The following IRS1 variants were observed in gnomAD, a reference collection of about 807,000 sequenced individuals.
The protein encoded by IRS1 is insulin receptor substrate 1.
IRS1 carries 34 observed loss-of-function variants against 65.6 expected under a neutral mutation model. The ratio of observed to expected loss-of-function variants is 0.52; its 90% confidence interval spans 0.39 to 0.69. The LOEUF is 0.69. Ranked by LOEUF, IRS1 falls within the 30% of genes least tolerant of loss-of-function variation. IRS1 has a pLI of 0.00. For missense variants in IRS1, 1,641 were observed against 1,720.2 expected (o/e 0.95, Z 0.81); for synonymous variants, 699 against 683.5 (o/e 1.02, Z -0.35).
chr2:226,785,044 A>G (rs193271933), intron 1 of IRS1, among the ~76,000 whole-genome samples: 60 of 152,360 alleles, frequency 3.9e-4, no homozygotes, highest in African/African-American at 1.4e-3. Flanking sequence ...TCTTATGTAT[A>G]AAATAAATTG....
intron 1 of IRS1, among the ~76,000 whole-genome samples, chr2:226,737,986 T>C (rs1335410607): frequency 1.3e-5 from 2 of 152,152 alleles, no homozygotes; most frequent in Non-Finnish European, 2.9e-5. Context: ...AAGTAGAGGA[T>C]GTGGCTTCAC....
At chr2:226,752,164 C>T (rs1283603419) in intron 1 of IRS1, among the ~76,000 whole-genome samples, 1 of 152,126 alleles carries the variant, frequency 6.6e-6, no homozygotes, top group African/African-American at 2.4e-5. Context: ...TTCCCAGAAC[C>T]GTAGATGCTT....
At chr2:226,760,256 TTC>T (rs1335939582) in intron 1 of IRS1, among the ~76,000 whole-genome samples, 3 of 152,218 alleles carry the variant, frequency 2.0e-5, no homozygotes, top group Admixed American at 6.5e-5. Flanking sequence ...TTAAATTTTT[TTC>T]TTTTTTTGTC....
At chr2:226,766,143 ATATATATATATATATATATATTTTT>A (rs1330797609) in intron 1 of IRS1, among the ~76,000 whole-genome samples, 2 of 3,656 alleles carry the variant, frequency 5.5e-4, no homozygotes, top group Admixed American at 4.8e-3. Flanking sequence ...ATATATATAT[ATATATATATATATATATATATTTTT>A]TTTTTTTTTT....
At chr2:226,743,661 T>C (rs78300864) in intron 1 of IRS1, among the ~76,000 whole-genome samples, 1,540 of 152,364 alleles carry the variant, frequency 0.01, 11 homozygotes, top group Non-Finnish European at 0.016. Flanking sequence ...TCATGGGCAC[T>C]ATTTCTGCAG....
At position 226,797,885 on chromosome 2, in the gene IRS1, C is replaced by A. The variant is rs765204298; in HGVS notation, c.854G>T (p.Arg285Leu). ...NCSNPISVPL[R>L]RHHLNNPPPS... ...CGGGGGATTGTTGAGATGGTGCCGG[C>A]GCAGGGGGACGCTGATGGGGTTAGA... The change falls in exon 1 of 2, where the codon CGC (arginine) becomes CTC (leucine). Residue 285 changes from arginine to leucine, a missense_variant. By Grantham distance (102) the Arg-to-Leu change is moderately radical. Around this residue, in one of 3 missense-constraint regions of IRS1, gnomAD observed 1,324 missense variants for 1,361.0 expected, o/e 0.97. Coordinates refer to ENST00000305123, the MANE Select transcript of IRS1 (RefSeq NM_005544.3). This position sits in a 1 kb window ranked among gnomAD's most constrained non-coding sequence, Gnocchi z 8.1. The A allele has an allele frequency of 6.2e-7, 1 of 1,610,238 alleles. No homozygotes were observed. The highest frequency in any genetic ancestry group is 8.5e-7 in the Non-Finnish European group (1 of 1,178,284).
chr2:226,752,657 T>C (rs1319964035), intron 1 of IRS1, among the ~76,000 whole-genome samples: 1 of 152,230 alleles, frequency 6.6e-6, no homozygotes, highest in Non-Finnish European at 1.5e-5. Context: ...TCACATATCG[T>C]GTAATTCACA....
intron 1 of IRS1, among the ~76,000 whole-genome samples, chr2:226,763,625 G>T (rs1039703365): frequency 1.3e-5 from 2 of 152,206 alleles, no homozygotes; most frequent in Non-Finnish European, 2.9e-5. Flanking sequence ...AGGTCATGGT[G>T]AGTGCATCCC....
At position 226,798,110 on chromosome 2, in the gene IRS1, T is replaced by C; in HGVS notation, c.629A>G (p.Asn210Ser). The C allele has an allele frequency of 2.5e-6, 4 of 1,613,934 alleles. No homozygotes were observed. Among genetic ancestry groups the C allele is most frequent in the Non-Finnish European group, 3.4e-6 (4 of 1,180,012 alleles). The change falls in exon 1 of 2, where the codon AAC becomes AGC. Residue 210 changes from asparagine (N) to serine (S), a missense_variant. Asn to Ser is a conservative substitution (Grantham distance 46, BLOSUM62 1). This residue lies in a region of IRS1 where 77 missense variants were observed against 129.6 expected (regional missense o/e 0.59). Transcript: ENST00000305123. The surrounding 1 kb of genome is among the most constrained non-coding windows in gnomAD (Gnocchi z 9.4). ...TTCCGAGTGGCCACAGCGCCTGATG[T>C]TCATCAGCTGCAGCACCACGGCCGC... ...EAAAVVLQLM[N>S]IRRCGHSENF...
At chr2:226,751,395 T>C (rs1938678600) in intron 1 of IRS1, among the ~76,000 whole-genome samples, 1 of 148,134 alleles carries the variant, frequency 6.8e-6, no homozygotes, top group Non-Finnish European at 1.5e-5. Flanking sequence ...GGCATTCTCC[T>C]GCCTCAGCCT....
rs1939764413 is a variant in IRS1, at chr2:226,797,560, C to T, written c.1179G>A (p.Ser393=). ...SPSATSPVSL[S]SSSTSGHGST... ...AGCCATGGCCACTGGTGCTACTGGACGACAGACTGACCGGGCTGGTGGCCG... is the reference window on the plus strand; with the variant it reads ...AGCCATGGCCACTGGTGCTACTGGATGACAGACTGACCGGGCTGGTGGCCG... The change falls in exon 1 of 2, where the codon TCG becomes TCA. Residue 393 remains serine (S), a synonymous_variant. Transcript: ENST00000305123. The surrounding 1 kb of genome is among the most constrained non-coding windows in gnomAD (Gnocchi z 8.1). 6.2e-7 allele frequency: 1 copy of T among 1,602,132 alleles called. No homozygotes were observed. The highest frequency in any genetic ancestry group is 1.7e-5 in the Admixed American group (1 of 59,498).
chr2:226,738,883 G>C, intron 1 of IRS1, among the ~76,000 whole-genome samples: 1 of 152,156 alleles, frequency 6.6e-6, no homozygotes, highest in East Asian at 1.9e-4. Context: ...AAGGGCATAT[G>C]GTATGTTTTT....
intron 1 of IRS1, among the ~76,000 whole-genome samples, chr2:226,739,072 T>C (rs150032831): frequency 6.6e-6 from 1 of 152,274 alleles, no homozygotes; most frequent in East Asian, 1.9e-4. Flanking sequence ...ATCTGTTGCT[T>C]TGGGCCACTT....
chr2:226,757,287 A>G (rs545806456), intron 1 of IRS1, among the ~76,000 whole-genome samples: 19 of 152,288 alleles, frequency 1.2e-4, no homozygotes, highest in African/African-American at 4.3e-4. Flanking sequence ...GCAGTTCCCA[A>G]ACATGTTCTA....
In IRS1 at chr2:226,732,047, C is replaced by T. The variant is rs1938230662; in HGVS notation, c.*4225G>A. ...TACACAAACTAGAAAAGAAAGCTAA[C>T]TCTCCACCTAAGTCATGTGTTTTCT... is the stretch of plus-strand genomic sequence containing the variant. On this transcript the variant is annotated 3_prime_UTR_variant, in exon 2 of 2. Coordinates refer to ENST00000305123, the MANE Select transcript of IRS1 (RefSeq NM_005544.3). The T allele has an allele frequency of 6.6e-6, 1 of 152,186 alleles. No individual in the cohort carries two copies. Among genetic ancestry groups the T allele is most frequent in the Non-Finnish European group, 1.5e-5 (1 of 68,042 alleles). The allele number at this position is 152,186 out of a possible 1,614,324, so 9.4% of individuals were successfully genotyped here.
chr2:226,767,576 C>T (rs1169833419), intron 1 of IRS1, among the ~76,000 whole-genome samples: 2 of 152,138 alleles, frequency 1.3e-5, no homozygotes, highest in South Asian at 2.1e-4. Context: ...ATGATCATAA[C>T]CTGGGTGGCC....
rs370028596 is a variant in IRS1, at chr2:226,764,254, A to G, written c.*22-28004T>C. On this transcript the variant is annotated intron_variant, in intron 1 of 1. Transcript: ENST00000305123. ...TGGCAAGAATCAGAGCTAAAAATAC[A>G]GCTTTTTGGCCAGGAACAGTGGCTC... 1.4e-4 allele frequency among the ~76,000 whole-genome samples: 22 copies of G among 152,252 alleles called. No homozygotes were observed. The East Asian group carries it at 3.9e-3, about 27-fold the overall frequency.
At chr2:226,762,639 G>T (rs1403662346) in intron 1 of IRS1, among the ~76,000 whole-genome samples, 1 of 152,176 alleles carries the variant, frequency 6.6e-6, no homozygotes, top group African/African-American at 2.4e-5. Context: ...CCAGAAACAG[G>T]TGGCAGCTGG....
chr2:226,741,841 C>T (rs1353441882), intron 1 of IRS1, among the ~76,000 whole-genome samples: 1 of 150,676 alleles, frequency 6.6e-6, no homozygotes, highest in Non-Finnish European at 1.5e-5. Context: ...CACACACACA[C>T]ATATTATCAT....
Sources: gnomAD v4.1 joint callset for allele counts (sites outside exome capture counted in the v4.1 genomes callset) on GRCh38, gnomAD v4.1.1 for gene constraint, gnomAD v4.1.1 regional missense constraint, Gnocchi (gnomAD v3.1) non-coding constraint, MANE v1.5 for transcripts, NCBI Gene and HGNC (gene_info 2026-07-23, HGNC 2026-07-21) for gene names.